SORL1: variants seen among roughly 807,000 people sequenced by gnomAD.
The protein encoded by SORL1 is sortilin-related receptor.
SORL1 carries 127 observed loss-of-function variants against 273.7 expected under a neutral mutation model. The observed-to-expected ratio is 0.46, with a 90% confidence interval of 0.40 to 0.54. SORL1 has a LOEUF of 0.54. SORL1 is among the 20% of genes least tolerant of loss of function. SORL1 has a pLI of 0.00. For synonymous variants in SORL1, 1,031 were observed against 1,067.4 expected (o/e 0.97, Z 0.66); for missense variants, 2,494 against 2,846.1 (o/e 0.88, Z 2.81).
chr11:121,549,254 G>T (rs756832949), intron 14 of SORL1, among the ~76,000 whole-genome samples: 16 of 152,040 alleles, frequency 1.1e-4, no homozygotes, highest in Admixed American at 2.6e-4. Context: ...ACAGGGGCTT[G>T]CTCTGTTGCC....
At chr11:121,618,481 C>T (rs1029151320) in intron 41 of SORL1, among the ~76,000 whole-genome samples, 2 of 152,148 alleles carry the variant, frequency 1.3e-5, no homozygotes, top group African/African-American at 4.8e-5. Flanking sequence ...ATCTAACACT[C>T]TATGTTTGCC....
At chr11:121,464,807 C>T (rs1374155306) in intron 1 of SORL1, among the ~76,000 whole-genome samples, 2 of 152,166 alleles carry the variant, frequency 1.3e-5, no homozygotes, top group African/African-American at 4.8e-5. Flanking sequence ...TCTGCAGATG[C>T]CGCTGACAGC....
At chr11:121,555,567 A>G (rs1194800018) in intron 18 of SORL1, among the ~76,000 whole-genome samples, 1 of 152,018 alleles carries the variant, frequency 6.6e-6, no homozygotes, top group Non-Finnish European at 1.5e-5. Flanking sequence ...TTTTATTTAT[A>G]TATGTACTTA....
intron 2 of SORL1, among the ~76,000 whole-genome samples, chr11:121,474,577 G>A (rs141307984): frequency 3.5e-4 from 54 of 152,278 alleles, no homozygotes; most frequent in African/African-American, 1.2e-3. Context: ...AGAAACCGTG[G>A]GCAGTTCAGT....
intron 12 of SORL1, among the ~76,000 whole-genome samples, chr11:121,533,746 G>A (rs1862232812): frequency 6.6e-6 from 1 of 151,924 alleles, no homozygotes; most frequent in South Asian, 2.1e-4. Context: ...TTTTTTCCCT[G>A]TGGTTAATTT....
intron 23 of SORL1, among the ~76,000 whole-genome samples, chr11:121,573,788 A>G (rs192832213): frequency 2.0e-4 from 31 of 152,336 alleles, no homozygotes; most frequent in Admixed American, 6.5e-4. Flanking sequence ...GACAGAGCCT[A>G]TGTTCCTACT....
chr11:121,495,784 C>T (rs1356992853), intron 5 of SORL1, among the ~76,000 whole-genome samples: 1 of 152,112 alleles, frequency 6.6e-6, no homozygotes, highest in African/African-American at 2.4e-5. Context: ...CCTGGTCATT[C>T]TATGTTTTCA....
At chr11:121,578,025 G>A (rs185400070) in intron 25 of SORL1, among the ~76,000 whole-genome samples, 73 of 152,284 alleles carry the variant, frequency 4.8e-4, no homozygotes, top group Non-Finnish European at 9.0e-4. Flanking sequence ...TGAGAAGCTT[G>A]TGGAGAAATG....
chr11:121,462,385 C>T (rs1424273726), intron 1 of SORL1, among the ~76,000 whole-genome samples: 1 of 152,136 alleles, frequency 6.6e-6, no homozygotes, highest in Admixed American at 6.5e-5. Flanking sequence ...CCCCTTTTCC[C>T]TAACTCCTCC....
chr11:121,591,151 T>G lies in SORL1; in HGVS notation c.4364T>G (p.Leu1455Trp), dbSNP rs1294337487. Reference sequence around the variant, plus strand: ...GGCTCTGACGAGGAAGCCTGCCCCTTGCTTGGTGAGTTCTGGCCCAGGTCC... The same window carrying G: ...GGCTCTGACGAGGAAGCCTGCCCCTGGCTTGGTGAGTTCTGGCCCAGGTCC... ...ADGSDEEACPLLANVTAASTP... is the reference protein window; with the variant it reads ...ADGSDEEACPWLANVTAASTP... Residue 1455 changes from leucine to tryptophan, a missense_variant, in exon 31 of 48, where the codon TTG (leucine) becomes TGG (tryptophan). Physicochemically the swap from Leu to Trp is moderately conservative, Grantham distance 61. This residue lies in a region of SORL1 where 1,609 missense variants were observed against 1,816.4 expected (regional missense o/e 0.89). Coordinates refer to ENST00000260197, the MANE Select transcript of SORL1 (RefSeq NM_003105.6). 6.2e-7 allele frequency: 1 copy of G among 1,613,920 alleles called. No homozygotes were observed. Among genetic ancestry groups the G allele is most frequent in the Non-Finnish European group, 8.5e-7 (1 of 1,179,986 alleles).
chr11:121,607,507 C>T (rs551275987), intron 37 of SORL1, among the ~76,000 whole-genome samples: 4 of 152,270 alleles, frequency 2.6e-5, no homozygotes, highest in Middle Eastern at 3.4e-3. Flanking sequence ...TGTAGATAAC[C>T]GGGCGTTTAT....
Position 121,482,527 on chromosome 11 carries a change from C to A in SORL1, c.528+4284C>A, listed in dbSNP as rs545050537. ...ATTCCCCAGAGAAGGCTGCTCCTCA[C>A]CACCCCACCAGACTCTCAGGAAGGA... On this transcript the variant is annotated intron_variant, in intron 3 of 47. Transcript: ENST00000260197. Among the ~76,000 whole-genome samples the A allele has an allele frequency of 7.9e-5, 12 of 152,340 alleles. No homozygotes were observed. The South Asian group carries it at 2.5e-3, about 32-fold the overall frequency.
intron 21 of SORL1, 108 bp from the exon 22 acceptor site, chr11:121,566,832 G>A (rs1224272178): frequency 2.8e-6 from 3 of 1,082,926 alleles, no homozygotes; most frequent in Non-Finnish European, 3.9e-6. Context: ...AGAGCTTCTC[G>A]CTGTCCTTTC....
At chr11:121,566,880 A>G (rs1007741714) in intron 21 of SORL1, 60 bp from the exon 22 acceptor site, 1 of 1,499,188 alleles carries the variant, frequency 6.7e-7, no homozygotes, top group South Asian at 1.2e-5. Context: ...TCCTTCTTGT[A>G]TTCAGTACCT....
Position 121,614,987 on chromosome 11 carries a change from C to T in SORL1, c.5536C>T (p.Pro1846Ser), listed in dbSNP as rs1163455778. ...VMTRGVRPPAPSLKAKAINQT... is the reference protein window; with the variant it reads ...VMTRGVRPPASSLKAKAINQT... ...GACCAGAGGGGTTCGCCCACCTGCA[C>T]CTAGCCTCAAGGCCAAAGCCATCAA... The change falls in exon 41 of 48, where the codon CCT becomes TCT. Residue 1846 changes from proline (P) to serine (S), a missense_variant. This residue lies in a region of SORL1 where 1,609 missense variants were observed against 1,816.4 expected (regional missense o/e 0.89). Transcript: ENST00000260197. 6.2e-7 allele frequency: 1 copy of T among 1,613,610 alleles called. No individual in the cohort carries two copies. The highest frequency in any genetic ancestry group is 8.5e-7 in the Non-Finnish European group (1 of 1,179,890).
rs940182771 is a variant in SORL1, at chr11:121,570,034, T to C, written c.3224-123T>C. ...AATATCGGGGGTGAATTTCACCCGA[T>C]ATCTGGCTGAATTTCCCCCGATAGT... On this transcript the variant is annotated intron_variant, in intron 22 of 47. Transcript: ENST00000260197. The C allele has an allele frequency of 2.2e-5, 12 of 549,422 alleles. No homozygotes were observed. In the East Asian group the frequency reaches 2.7e-4, roughly 12 times the overall value. 34.0% of individuals were successfully genotyped at this position (549,422 alleles called of 1,614,324 possible).
At chr11:121,562,929 T>A (rs1051870997) in intron 21 of SORL1, among the ~76,000 whole-genome samples, 1 of 152,216 alleles carries the variant, frequency 6.6e-6, no homozygotes, top group African/African-American at 2.4e-5. Flanking sequence ...GGTTTTGGAA[T>A]AAGAGGGGAC....
intron 6 of SORL1, among the ~76,000 whole-genome samples, chr11:121,504,104 G>A (rs938819228): frequency 2.6e-5 from 4 of 152,012 alleles, no homozygotes; most frequent in Non-Finnish European, 4.4e-5. Flanking sequence ...TACAAGTCCC[G>A]GACTTCTTTA....
chr11:121,619,892 C>A lies in SORL1; in HGVS notation c.5864C>A (p.Pro1955Gln), dbSNP rs778866380. The change falls in exon 43 of 48, where the codon CCG (proline) becomes CAG (glutamine). Residue 1955 changes from proline to glutamine, a missense_variant. Physicochemically the swap from Pro to Gln is moderately conservative, Grantham distance 76. This residue lies in a region of SORL1 where 1,609 missense variants were observed against 1,816.4 expected (regional missense o/e 0.89). Coordinates refer to ENST00000260197, the MANE Select transcript of SORL1 (RefSeq NM_003105.6). ...KTSVVIKWES[P>Q]YDSPDQDLLY... ...TCCGTGGTCATCAAGTGGGAATCAC[C>A]GTATGACTCTCCTGACCAGGACTTG... is the stretch of plus-strand genomic sequence containing the variant. 3 of 1,613,716 alleles carry A rather than the reference C, an allele frequency of 1.9e-6. No homozygotes were observed. In the African/African-American group the frequency reaches 4.0e-5, roughly 22 times the overall value.
Sources: gnomAD v4.1 joint callset for allele counts (sites outside exome capture counted in the v4.1 genomes callset) on GRCh38, gnomAD v4.1.1 for gene constraint, gnomAD v4.1.1 regional missense constraint, MANE v1.5 for transcripts, NCBI Gene and HGNC (gene_info 2026-07-23, HGNC 2026-07-21) for gene names.